Variants in SOX6 observed in about 807,000 individuals in gnomAD.
SOX6 encodes transcription factor SOX-6.
SOX6 carries 11 observed loss-of-function variants against 97.8 expected under a neutral mutation model. The observed-to-expected ratio is 0.11, with a 90% confidence interval of 0.07 to 0.19. SOX6 has a LOEUF of 0.19. Ranked by LOEUF, SOX6 falls within the 10% of genes least tolerant of loss-of-function variation. The pLI, the probability that SOX6 is intolerant of heterozygous loss-of-function variation, is 1.00. For missense variants in SOX6, 810 were observed against 1,039.5 expected (o/e 0.78, Z 3.04); for synonymous variants, 360 against 371.4 (o/e 0.97, Z 0.35).
At chr11:16,085,468 A>C (rs1302032195) in intron 9 of SOX6, among the ~76,000 whole-genome samples, 1 of 152,170 alleles carries the variant, frequency 6.6e-6, no homozygotes, top group African/African-American at 2.4e-5. Flanking sequence ...TTGAGCATTA[A>C]ATGGCCCATT....
chr11:16,245,730 C>CTT (rs1565044521), intron 3 of SOX6, among the ~76,000 whole-genome samples: 1 of 151,504 alleles, frequency 6.6e-6, no homozygotes. Flanking sequence ...CTGGAGTCTA[C>CTT]TTTTATATTA....
intron 4 of SOX6, among the ~76,000 whole-genome samples, chr11:16,592,716 G>A (rs1310626944): frequency 6.6e-6 from 1 of 151,428 alleles, no homozygotes; most frequent in Non-Finnish European, 1.5e-5. Flanking sequence ...CTATTTTATT[G>A]GCATTTAAAT....
intron 4 of SOX6, among the ~76,000 whole-genome samples, chr11:16,608,863 A>G (rs1425368221): frequency 6.6e-6 from 1 of 152,228 alleles, no homozygotes; most frequent in African/African-American, 2.4e-5. Flanking sequence ...TGTAGAGGAA[A>G]AGATTTGGAG....
intron 4 of SOX6, among the ~76,000 whole-genome samples, chr11:16,496,061 C>T (rs1860590348): frequency 6.6e-6 from 1 of 152,268 alleles, no homozygotes; most frequent in Non-Finnish European, 1.5e-5. Flanking sequence ...CAACGAACCC[C>T]ATAGACAGAG....
At chr11:16,016,006 T>C (rs1379850380) in intron 12 of SOX6, among the ~76,000 whole-genome samples, 1 of 152,064 alleles carries the variant, frequency 6.6e-6, no homozygotes, top group Non-Finnish European at 1.5e-5. Context: ...TTATACTTAA[T>C]GCATTATGCA....
intron 3 of SOX6, among the ~76,000 whole-genome samples, chr11:16,284,156 T>C (rs1291846000): frequency 6.6e-6 from 1 of 152,134 alleles, no homozygotes; most frequent in East Asian, 1.9e-4. Flanking sequence ...TCTCTTACAG[T>C]AGAGAACTGG....
chr11:16,639,735 C>A (rs1318775836), intron 3 of SOX6, among the ~76,000 whole-genome samples: 1 of 151,066 alleles, frequency 6.6e-6, no homozygotes, highest in Non-Finnish European at 1.5e-5. Flanking sequence ...TTGGTGTATG[C>A]TTATGATTTT....
intron 6 of SOX6, among the ~76,000 whole-genome samples, chr11:16,163,754 T>C (rs1850815089): frequency 6.6e-6 from 1 of 152,224 alleles, no homozygotes; most frequent in Non-Finnish European, 1.5e-5. Context: ...CCAAAAGGAA[T>C]GGCAATCCAA....
intron 4 of SOX6, among the ~76,000 whole-genome samples, chr11:16,536,159 T>C (rs1427950648): frequency 6.6e-6 from 1 of 152,220 alleles, no homozygotes; most frequent in Non-Finnish European, 1.5e-5. Flanking sequence ...TTCATTATCC[T>C]TAATAAAAAC....
intron 13 of SOX6, among the ~76,000 whole-genome samples, chr11:16,013,311 C>T (rs1169565321): frequency 1.3e-5 from 2 of 152,132 alleles, no homozygotes; most frequent in East Asian, 1.9e-4. Flanking sequence ...CTCTGCAGTA[C>T]AATCTCCCAA....
intron 6 of SOX6, among the ~76,000 whole-genome samples, chr11:16,179,408 T>C (rs781005567): frequency 6.6e-6 from 1 of 151,928 alleles, no homozygotes; most frequent in African/African-American, 2.4e-5. Context: ...ATATGAAAGA[T>C]AATCATATAT....
intron 6 of SOX6, among the ~76,000 whole-genome samples, chr11:16,130,555 T>C (rs990756717): frequency 1.3e-5 from 2 of 151,970 alleles, no homozygotes; most frequent in Non-Finnish European, 2.9e-5. Flanking sequence ...TCAATAGTGT[T>C]AAGACAGCAA....
At chr11:16,034,133 A>T (rs2133889332) in intron 12 of SOX6, among the ~76,000 whole-genome samples, 1 of 152,316 alleles carries the variant, frequency 6.6e-6, no homozygotes, top group Non-Finnish European at 1.5e-5. Context: ...TAGGCAAGAG[A>T]ACCCCAAATA....
intron 3 of SOX6, among the ~76,000 whole-genome samples, chr11:16,283,183 C>T (rs1320507024): frequency 1.4e-5 from 2 of 146,002 alleles, no homozygotes; most frequent in Non-Finnish European, 3.0e-5. Flanking sequence ...CAGTTCATAT[C>T]AATTGAATGG....
At chr11:16,183,731 C>A (rs968333578) in intron 6 of SOX6, among the ~76,000 whole-genome samples, 155 bp downstream of exon 6, 1 of 152,060 alleles carries the variant, frequency 6.6e-6, no homozygotes, top group African/African-American at 2.4e-5. Flanking sequence ...GTCCATATTT[C>A]TTACATTCAA....
In SOX6 at chr11:16,605,312, C is replaced by T. The variant is rs1056376602; in HGVS notation, n.609+6769G>A. Among the ~76,000 whole-genome samples, 1 of 152,144 alleles carries T rather than the reference C, an allele frequency of 6.6e-6. No individual in the cohort carries two copies. Among genetic ancestry groups the T allele is most frequent in the Non-Finnish European group, 1.5e-5 (1 of 68,008 alleles). Reference sequence around the variant, plus strand: ...CTGGCGAAGTCCGCGCCCGGCGGGGCTGAACTACCCCTCGCCCCCGCTCCC... The same window carrying T: ...CTGGCGAAGTCCGCGCCCGGCGGGGTTGAACTACCCCTCGCCCCCGCTCCC... On this transcript the variant is annotated intron_variant and non_coding_transcript_variant, in intron 4 of 5. Coordinates refer to the SOX6 transcript ENST00000524520. This position sits in a 1 kb window ranked among gnomAD's most constrained non-coding sequence, Gnocchi z 5.3.
At chr11:16,729,583 TA>T (rs1848333425) in intron 2 of SOX6, among the ~76,000 whole-genome samples, 1 of 152,092 alleles carries the variant, frequency 6.6e-6, no homozygotes, top group Non-Finnish European at 1.5e-5. Flanking sequence ...AAGGAAGCAC[TA>T]AACATGGAAA....
upstream of SOX6, among the ~76,000 whole-genome samples, chr11:16,358,378 T>C (rs1377820773): frequency 6.6e-6 from 1 of 152,124 alleles, no homozygotes; most frequent in Non-Finnish European, 1.5e-5. Context: ...AAGAAAATTC[T>C]CAATTTTATT....
chr11:16,640,509 G>A (rs926288980), intron 3 of SOX6, among the ~76,000 whole-genome samples: 25 of 152,130 alleles, frequency 1.6e-4, no homozygotes, highest in Admixed American at 1.5e-3. Context: ...TTGTACCTCT[G>A]GTAGAATTCA....
Sources: allele counts gnomAD v4.1 joint callset (sites outside exome capture counted in the v4.1 genomes callset), GRCh38; gene constraint gnomAD v4.1.1; non-coding constraint Gnocchi (gnomAD v3.1); transcripts MANE v1.5; gene names NCBI Gene and HGNC (gene_info 2026-07-23, HGNC 2026-07-21).